The following ROR2 variants were observed in gnomAD, a reference collection of about 807,000 sequenced individuals.
ROR2 encodes the protein tyrosine-protein kinase transmembrane receptor ROR2.
A neutral mutation model predicts 74.9 loss-of-function variants in ROR2; 33 were observed. The observed-to-expected ratio is 0.44, with a 90% confidence interval of 0.33 to 0.59. The LOEUF (loss-of-function observed/expected upper bound fraction) is 0.59. Among genes scored for constraint, ROR2 ranks in the 20% least tolerant of loss-of-function variants. The pLI, the probability that ROR2 is intolerant of heterozygous loss-of-function variation, is 0.02. For synonymous variants in ROR2, 586 were observed against 558.7 expected (o/e 1.05, Z -0.69); for missense variants, 1,216 against 1,313.8 (o/e 0.93, Z 1.15).
chr9:91,940,439 A>G (rs1241171064), intron 1 of ROR2, among the ~76,000 whole-genome samples: 1 of 152,224 alleles, frequency 6.6e-6, no homozygotes, highest in Non-Finnish European at 1.5e-5. Flanking sequence ...ATCTTAAGAA[A>G]GAAAAATCAG....
rs1427072225 is a variant in ROR2, at chr9:91,726,558, T to C, written c.1369A>G (p.Ile457Val). 9 of 1,612,460 alleles carry C rather than the reference T, an allele frequency of 5.6e-6. No individual in the cohort carries two copies. The highest frequency in any genetic ancestry group is 4.2e-6 in the Non-Finnish European group (5 of 1,180,024). The change falls in exon 8 of 9, where the codon ATT (isoleucine) becomes GTT (valine). Residue 457 changes from isoleucine (I) to valine (V), a missense_variant. Ile to Val is a conservative substitution (Grantham distance 29). Coordinates refer to ENST00000375708, the MANE Select transcript of ROR2 (RefSeq NM_004560.4). ...SPSQDMEMPL[I>V]NQHKQAKLKE... ...ATGGAGACCTGTTTGTGCTGGTTAA[T>C]GAGGGGCATTTCCATGTCTTGGCTG...
At chr9:91,843,976 G>A (rs998922037) in intron 1 of ROR2, among the ~76,000 whole-genome samples, 1 of 152,202 alleles carries the variant, frequency 6.6e-6, no homozygotes, top group African/African-American at 2.4e-5. Flanking sequence ...CTGCAGAGCG[G>A]GGCCTTTCAA....
At chr9:91,849,376 C>T (rs1285242472) in intron 1 of ROR2, among the ~76,000 whole-genome samples, 2 of 152,296 alleles carry the variant, frequency 1.3e-5, no homozygotes, top group South Asian at 2.1e-4. Context: ...CTGGCGAAAA[C>T]GCAATCTCTT....
chr9:91,808,547 C>T (rs1175054626), intron 1 of ROR2, among the ~76,000 whole-genome samples: 3 of 151,982 alleles, frequency 2.0e-5, no homozygotes, highest in Non-Finnish European at 4.4e-5. Context: ...TCACTTGAAC[C>T]CGGAAGGTGG....
chr9:91,864,784 T>C (rs759572507), intron 1 of ROR2, among the ~76,000 whole-genome samples: 4 of 152,190 alleles, frequency 2.6e-5, no homozygotes, highest in Admixed American at 6.5e-5. Flanking sequence ...TCACCATAAC[T>C]TGAGCACAGA....
intron 1 of ROR2, among the ~76,000 whole-genome samples, chr9:91,927,280 C>T (rs531628770): frequency 2.6e-5 from 4 of 152,198 alleles, no homozygotes; most frequent in Non-Finnish European, 5.9e-5. Context: ...TGGTGGTCAC[C>T]GCCCTCAGCG....
intron 1 of ROR2, among the ~76,000 whole-genome samples, chr9:91,802,174 C>A (rs1029698202): frequency 6.7e-6 from 1 of 149,888 alleles, no homozygotes; most frequent in Non-Finnish European, 1.5e-5. Context: ...CCCAGGTTCA[C>A]GCCATTCTCC....
In ROR2 at chr9:91,819,780, G is replaced by A. The variant is rs1287299635; in HGVS notation, c.98-43962C>T. 2.7e-5 allele frequency among the ~76,000 whole-genome samples: 4 copies of A among 150,888 alleles called. No homozygotes were observed. The East Asian group carries it at 5.9e-4, about 22-fold the overall frequency. On this transcript the variant is annotated intron_variant, in intron 1 of 8. Coordinates refer to ENST00000375708, the MANE Select transcript of ROR2 (RefSeq NM_004560.4). ...GTGTGTGTGTCTCAGTGTTCTGTGT[G>A]TATGTCTGTGTCTTTGTTCTGTGTG...
At chr9:91,937,777 TCACAG>T (rs1384660730) in intron 1 of ROR2, among the ~76,000 whole-genome samples, 2 of 152,150 alleles carry the variant, frequency 1.3e-5, no homozygotes, top group Admixed American at 6.5e-5. Flanking sequence ...AGTGCAGTGA[TCACAG>T]CACTCACTAC....
intron 1 of ROR2, among the ~76,000 whole-genome samples, chr9:91,846,597 G>A (rs1162977996): frequency 6.6e-6 from 1 of 152,148 alleles, no homozygotes; most frequent in African/African-American, 2.4e-5. Flanking sequence ...AGGTTCTCAA[G>A]GAAATCTCAG....
chr9:91,834,975 G>A (rs1828568035), intron 1 of ROR2, among the ~76,000 whole-genome samples: 1 of 152,058 alleles, frequency 6.6e-6, no homozygotes, highest in Admixed American at 6.5e-5. Flanking sequence ...AATGCACCCT[G>A]CCTTATGTCT....
chr9:91,855,690 A>G (rs1187767798), intron 1 of ROR2, among the ~76,000 whole-genome samples: 5 of 152,060 alleles, frequency 3.3e-5, no homozygotes, highest in African/African-American at 1.2e-4. Context: ...TGGTTTACGG[A>G]CATCATGACA....
At chr9:91,741,401 A>G (rs1189086797) in intron 4 of ROR2, among the ~76,000 whole-genome samples, 1 of 151,758 alleles carries the variant, frequency 6.6e-6, no homozygotes, top group Admixed American at 6.6e-5. Context: ...ATCAGGGAGA[A>G]ACAGAGGCAG....
chr9:91,755,493 G>C (rs1264484811), intron 4 of ROR2, among the ~76,000 whole-genome samples: 2 of 152,220 alleles, frequency 1.3e-5, no homozygotes, highest in Admixed American at 1.3e-4. Flanking sequence ...GTTCAGAGGG[G>C]ACTCTCCCAA....
chr9:91,941,538 C>G (rs1831867113), intron 1 of ROR2, among the ~76,000 whole-genome samples: 1 of 152,182 alleles, frequency 6.6e-6, no homozygotes, highest in South Asian at 2.1e-4. Context: ...AATTAACAAA[C>G]TCAGGAAAGA....
intron 4 of ROR2, among the ~76,000 whole-genome samples, chr9:91,745,137 A>T (rs116484244): frequency 0.01 from 1,579 of 151,346 alleles, 14 homozygotes; most frequent in African/African-American, 0.027. Context: ...ATATATATAT[A>T]TTTTTGAGAC....
chr9:91,835,158 T>C (rs988693399), intron 1 of ROR2, among the ~76,000 whole-genome samples: 10 of 152,012 alleles, frequency 6.6e-5, no homozygotes, highest in Non-Finnish European at 1.0e-4. Flanking sequence ...GTTGGAAGCC[T>C]CTCTCCACAA....
intron 1 of ROR2, among the ~76,000 whole-genome samples, chr9:91,918,997 C>G (rs1831204514): frequency 6.6e-6 from 1 of 151,020 alleles, no homozygotes; most frequent in African/African-American, 2.5e-5. Flanking sequence ...TCTCTGCAGT[C>G]CGCACCCCTG....
chr9:91,807,689 C>T (rs1156397271), intron 1 of ROR2, among the ~76,000 whole-genome samples: 2 of 152,110 alleles, frequency 1.3e-5, no homozygotes, highest in Non-Finnish European at 2.9e-5. Flanking sequence ...GGACACCCAG[C>T]TGGCGTCCAC....
Sources: gnomAD v4.1 joint callset for allele counts (sites outside exome capture counted in the v4.1 genomes callset) on GRCh38, gnomAD v4.1.1 for gene constraint, MANE v1.5 for transcripts, NCBI Gene and HGNC (gene_info 2026-07-23, HGNC 2026-07-21) for gene names.